DDHD1: variants seen among roughly 807,000 people sequenced by gnomAD.
DDHD1 encodes the protein phospholipase DDHD1.
DDHD1 carries 49 observed loss-of-function variants against 96.4 expected under a neutral mutation model. That is an observed-to-expected ratio of 0.51 (90% CI 0.40 to 0.64). The LOEUF is 0.64. DDHD1 is among the 30% of genes least tolerant of loss of function. The pLI, the probability that DDHD1 is intolerant of heterozygous loss-of-function variation, is 0.00. For missense variants in DDHD1, 1,106 were observed against 1,161.2 expected, an observed-to-expected ratio of 0.95 and a Z score of 0.69; for synonymous variants, 442 against 446.5, an observed-to-expected ratio of 0.99 and a Z score of 0.13.
intron 1 of DDHD1, among the ~76,000 whole-genome samples, chr14:53,113,635 A>C (rs1888311758): frequency 6.6e-6 from 1 of 152,084 alleles, no homozygotes; most frequent in Admixed American, 6.5e-5. Context: ...GGGAAGCGCA[A>C]GGAGCCAGGG....
chr14:53,074,753 T>G (rs1168545508), intron 4 of DDHD1, among the ~76,000 whole-genome samples: 1 of 152,128 alleles, frequency 6.6e-6, no homozygotes, highest in East Asian at 1.9e-4. Flanking sequence ...ACTGCATTCA[T>G]TTTTTAAAAA....
chr14:53,115,914 T>C (rs1188778034), intron 1 of DDHD1, among the ~76,000 whole-genome samples: 3 of 152,304 alleles, frequency 2.0e-5, no homozygotes, highest in African/African-American at 7.2e-5. Flanking sequence ...ACTGCCCCAA[T>C]TAAAAGATAC....
intron 4 of DDHD1, among the ~76,000 whole-genome samples, chr14:53,090,919 C>G (rs1484811707): frequency 6.6e-6 from 1 of 151,826 alleles, no homozygotes; most frequent in Admixed American, 6.6e-5. Context: ...CGTTAGCTGG[C>G]ATTAAGAGAT....
chr14:53,140,765 G>A (rs1307896171), intron 1 of DDHD1, among the ~76,000 whole-genome samples: 1 of 152,040 alleles, frequency 6.6e-6, no homozygotes, highest in Non-Finnish European at 1.5e-5. Flanking sequence ...AAATGTAAAT[G>A]GTCTAAAATG....
At chr14:53,090,361 A>C (rs1264386243) in intron 4 of DDHD1, among the ~76,000 whole-genome samples, 3 of 152,240 alleles carry the variant, frequency 2.0e-5, no homozygotes, top group Admixed American at 6.5e-5. Context: ...TGATCCAGCC[A>C]TTCCATGACT....
chr14:53,142,954 C>T (rs1192161492), intron 1 of DDHD1, among the ~76,000 whole-genome samples: 12 of 152,108 alleles, frequency 7.9e-5, no homozygotes, highest in African/African-American at 2.4e-4. Flanking sequence ...GAATGTCAAG[C>T]GGGTTGGAAA....
At chr14:53,071,664 T>G (rs1371382322) in intron 6 of DDHD1, among the ~76,000 whole-genome samples, 1 of 152,130 alleles carries the variant, frequency 6.6e-6, no homozygotes, top group Non-Finnish European at 1.5e-5. Context: ...TTATCTCACT[T>G]TCAAACACTT....
At chr14:53,121,456 A>T (rs1888979230) in intron 1 of DDHD1, among the ~76,000 whole-genome samples, 2 of 152,372 alleles carry the variant, frequency 1.3e-5, no homozygotes, top group African/African-American at 4.8e-5. Flanking sequence ...ATTATAAATC[A>T]TTCCACTATA....
At chr14:53,113,562 T>C (rs907174802) in intron 1 of DDHD1, among the ~76,000 whole-genome samples, 6 of 152,046 alleles carry the variant, frequency 3.9e-5, no homozygotes, top group South Asian at 2.1e-4. Flanking sequence ...GTTCATTTCA[T>C]TGGAAAAATG....
chr14:53,055,907 A>G lies in DDHD1; in HGVS notation c.1998T>C (p.Tyr666=). ...GTTTCAGTATTAATGGTTCTAATCT[A>G]TAAGCCTTGATTTAAAAAAAAAAAT... is the stretch of plus-strand genomic sequence containing the variant. ...NIFHPTDPVA[Y]RLEPLILKHY... The change falls in exon 10 of 13, where the codon TAT becomes TAC. Residue 666 remains tyrosine, a synonymous_variant. Coordinates refer to ENST00000673822, the MANE Select transcript of DDHD1 (RefSeq NM_001160148.2). The G allele has an allele frequency of 1.2e-6, 2 of 1,604,238 alleles. No homozygotes were observed. The highest frequency in any genetic ancestry group is 1.1e-5 in the South Asian group (1 of 88,848).
chr14:53,093,718 C>T (rs931614235), intron 2 of DDHD1: 8 of 353,808 alleles, frequency 2.3e-5, no homozygotes, highest in African/African-American at 1.8e-4. Flanking sequence ...CTCTAATATA[C>T]AGCTTCTATG....
At chr14:53,122,518 A>G (rs1386009399) in intron 1 of DDHD1, among the ~76,000 whole-genome samples, 1 of 151,584 alleles carries the variant, frequency 6.6e-6, no homozygotes, top group Admixed American at 6.6e-5. Context: ...TGCTACCTGT[A>G]TCTATTATTT....
intron 1 of DDHD1, among the ~76,000 whole-genome samples, chr14:53,109,176 T>C (rs1472050133): frequency 6.6e-6 from 1 of 152,152 alleles, no homozygotes; most frequent in Non-Finnish European, 1.5e-5. Context: ...CTTCCTTCCT[T>C]TCCTCTTGCT....
At chr14:53,134,750 C>T (rs973274446) in intron 1 of DDHD1, among the ~76,000 whole-genome samples, 2 of 152,146 alleles carry the variant, frequency 1.3e-5, no homozygotes, top group African/African-American at 4.8e-5. Context: ...CCCCCTTGGG[C>T]ACTCTCTAAT....
In DDHD1 at chr14:53,153,298, T is replaced by C. The variant is rs960741372; in HGVS notation, c.-200A>G. 20 of 415,898 alleles carry C rather than the reference T, an allele frequency of 4.8e-5. No individual in the cohort carries two copies. Among genetic ancestry groups the C allele is most frequent in the Non-Finnish European group, 7.3e-5 (18 of 245,672 alleles). 25.8% of individuals were successfully genotyped at this position (415,898 alleles called of 1,614,324 possible). On this transcript the variant is annotated 5_prime_UTR_variant, in exon 1 of 13. It removes an upstream start codon present in the reference 5' UTR. Transcript: ENST00000673822. Reference sequence around the variant, plus strand: ...CAGCTGCGTTCTGCCGCCGGCCCCATTGTCACGCAGCCCGACGTAGGCGGT... The same window carrying C: ...CAGCTGCGTTCTGCCGCCGGCCCCACTGTCACGCAGCCCGACGTAGGCGGT...
intron 2 of DDHD1, chr14:53,093,710 C>T (rs917608991): frequency 5.4e-6 from 2 of 372,150 alleles, no homozygotes; most frequent in African/African-American, 4.3e-5. Context: ...ATTTTAACCT[C>T]TAATATACAG....
chr14:53,113,441 G>C (rs1888284856), intron 1 of DDHD1, among the ~76,000 whole-genome samples: 1 of 149,426 alleles, frequency 6.7e-6, no homozygotes, highest in Admixed American at 6.6e-5. Flanking sequence ...TTAAAATATG[G>C]GCAAAGGAGG....
In DDHD1 at chr14:53,037,158, T is replaced by A. The variant is rs956411883; in HGVS notation, c.*9610A>T. ...TCCATGATTTATATGTACCACATTT[T>A]CTTTATCCAGTCCACTGTTGATGGG... On this transcript the variant is annotated 3_prime_UTR_variant, in exon 13 of 13. Transcript: ENST00000673822. 6.6e-6 allele frequency: 1 copy of A among 152,224 alleles called. No homozygotes were observed. The highest frequency in any genetic ancestry group is 6.5e-5 in the Admixed American group (1 of 15,274). The allele number at this position is 152,224 out of a possible 1,614,324, so 9.4% of individuals were successfully genotyped here.
At chr14:53,129,759 T>A (rs1889725859) in intron 1 of DDHD1, among the ~76,000 whole-genome samples, 1 of 152,200 alleles carries the variant, frequency 6.6e-6, no homozygotes, top group African/African-American at 2.4e-5. Flanking sequence ...AATTCTTGCC[T>A]GACCTAAAAA....
Sources: allele counts gnomAD v4.1 joint callset (sites outside exome capture counted in the v4.1 genomes callset), GRCh38; gene constraint gnomAD v4.1.1; transcripts MANE v1.5; gene names NCBI Gene and HGNC (gene_info 2026-07-23, HGNC 2026-07-21).